The following ZNF7 variants were observed in gnomAD, a reference collection of about 807,000 sequenced individuals.
The protein encoded by ZNF7 is C2-H2 type zinc finger protein.
Under a neutral mutation model 12.0 loss-of-function variants are expected in ZNF7, and 10 were observed. The ratio of observed to expected loss-of-function variants is 0.83; its 90% CI spans 0.51 to 1.42. The LOEUF (loss-of-function observed/expected upper bound fraction) is 1.42, where lower values mean the gene tolerates loss of function less well. Among genes scored for constraint, ZNF7 ranks in the 40% most tolerant of loss-of-function variants. The pLI is 0.00. For synonymous variants in ZNF7, 334 were observed against 295.0 expected, an observed-to-expected ratio of 1.13 and a Z score of -1.35; for missense variants, 854 against 837.2, an observed-to-expected ratio of 1.02 and a Z score of -0.25.
Position 144,843,088 on chromosome 8 carries a change from C to G in ZNF7, c.1981C>G (p.Pro661Ala). Reference sequence around the variant, plus strand: ...CCAGAGAATTCACACCGGGGAGAAGCCTTATAAATGCAATGACTGTGGCAA... The same window carrying G: ...CCAGAGAATTCACACCGGGGAGAAGGCTTATAAATGCAATGACTGTGGCAA... ...IHQRIHTGEK[P>A]YKCNDCGKAF... Residue 661 changes from proline to alanine, a missense_variant, in exon 5 of 5, where the codon CCT becomes GCT. Physicochemically the swap from Pro to Ala is conservative, Grantham distance 27. Transcript: ENST00000532777. The G allele has an allele frequency of 3.1e-6, 5 of 1,612,960 alleles. No homozygotes were observed. The highest frequency in any genetic ancestry group is 3.3e-5 in the Admixed American group (2 of 59,744).
Position 144,841,926 on chromosome 8 carries a change from G to A in ZNF7, c.819G>A (p.Thr273=), listed in dbSNP as rs142068099. The A allele has an allele frequency of 3.5e-5, 56 of 1,613,768 alleles. No homozygotes were observed. Among genetic ancestry groups the A allele is most frequent in the South Asian group, 4.4e-5 (4 of 91,072 alleles). The part of the protein sequence containing the change: ...SQLNQHQRIH[T]GEKPFKCTEC... ...TTAATCAGCATCAGAGAATCCACAC[G>A]GGAGAGAAACCCTTTAAATGCACTG... The change falls in exon 5 of 5, where the codon ACG becomes ACA. Residue 273 remains threonine, a synonymous_variant. Coordinates refer to ENST00000532777, the MANE Select transcript of ZNF7 (RefSeq NM_003416.4).
Position 144,841,735 on chromosome 8 carries a change from G to C in ZNF7, c.628G>C (p.Asp210His). ...ECGKGIRATS[D>H]IALHWEINTQ... ...TGGCAAAGGCATCAGAGCCACTTCA[G>C]ATATCGCTCTGCATTGGGAAATTAA... The change falls in exon 5 of 5, where the codon GAT (aspartate) becomes CAT (histidine). Residue 210 changes from aspartate to histidine, a missense_variant. Coordinates refer to ENST00000532777, the MANE Select transcript of ZNF7 (RefSeq NM_003416.4). 6.2e-7 allele frequency: 1 copy of C among 1,614,168 alleles called. No individual in the cohort carries two copies. The highest frequency in any genetic ancestry group is 8.5e-7 in the Non-Finnish European group (1 of 1,180,050).
chr8:144,840,772 T>G (rs984397074), intron 4 of ZNF7, among the ~76,000 whole-genome samples: 2 of 152,024 alleles, frequency 1.3e-5, no homozygotes, highest in African/African-American at 4.8e-5. Flanking sequence ...AGGTGCAAGT[T>G]GGCAGCAGCA....
intron 2 of ZNF7, 101 bp from the exon 3 acceptor site, chr8:144,829,377 G>C (rs1828170510): frequency 6.3e-7 from 1 of 1,578,590 alleles, no homozygotes; most frequent in Admixed American, 1.7e-5. Context: ...TGAGCGTCTC[G>C]CCCAACCCCA....
intron 3 of ZNF7, among the ~76,000 whole-genome samples, chr8:144,831,418 G>T (rs1203925356): frequency 6.6e-6 from 1 of 152,198 alleles, no homozygotes; most frequent in Non-Finnish European, 1.5e-5. Context: ...GTGATGGTGT[G>T]TCACAGCTGC....
Position 144,841,673 on chromosome 8 carries a change from A to G in ZNF7, c.566A>G (p.Glu189Gly), listed in dbSNP as rs1213495877. 6.2e-7 allele frequency: 1 copy of G among 1,614,182 alleles called. No homozygotes were observed. Among genetic ancestry groups the G allele is most frequent in the East Asian group, 2.2e-5 (1 of 44,884 alleles). The change falls in exon 5 of 5, where the codon GAG becomes GGG. Residue 189 changes from glutamate (E) to glycine (G), a missense_variant. Glu to Gly is a moderately conservative substitution (Grantham distance 98). Coordinates refer to ENST00000532777, the MANE Select transcript of ZNF7 (RefSeq NM_003416.4). ...TGTCAGCCTCTTGAAAGTCAGGGAG[A>G]GAGTGCGGAAGGGATGTCCCAGAGA... ...LDCQPLESQGESAEGMSQRCE... is the reference protein window; with the variant it reads ...LDCQPLESQGGSAEGMSQRCE...
chr8:144,832,621 A>T (rs1828574062), intron 3 of ZNF7, among the ~76,000 whole-genome samples: 1 of 149,250 alleles, frequency 6.7e-6, no homozygotes, highest in Non-Finnish European at 1.5e-5. Context: ...TTGGCTTCTC[A>T]GGAGGCTGAG....
intron 4 of ZNF7, among the ~76,000 whole-genome samples, chr8:144,840,549 C>G (rs1829753527): frequency 6.6e-6 from 1 of 152,158 alleles, no homozygotes; most frequent in East Asian, 1.9e-4. Context: ...ATGGTTTGAT[C>G]ACAGACATCA....
intron 3 of ZNF7, among the ~76,000 whole-genome samples, chr8:144,833,183 C>T (rs1428447591): frequency 4.6e-5 from 6 of 129,340 alleles, no homozygotes; most frequent in Admixed American, 9.2e-5. Flanking sequence ...GGGCAATAAG[C>T]GAGACTTTGT....
chr8:144,840,948 C>T (rs903301629), intron 4 of ZNF7: 5 of 177,314 alleles, frequency 2.8e-5, no homozygotes, highest in Non-Finnish European at 6.0e-5. Context: ...CCATTCAGAA[C>T]TCAGACCCTG....
downstream of ZNF7, among the ~76,000 whole-genome samples, chr8:144,845,582 T>C (rs776649566): frequency 6.6e-6 from 1 of 152,168 alleles, no homozygotes; most frequent in Non-Finnish European, 1.5e-5. Flanking sequence ...TGGGACCTTG[T>C]CCATTTGATT....
At chr8:144,838,962 A>ACCC (rs2130652749) in intron 4 of ZNF7, 2 of 145,954 alleles carry the variant, frequency 1.4e-5, no homozygotes, top group Admixed American at 6.8e-5. Flanking sequence ...AAAAAAAAAA[A>ACCC]GCAGGGGCTG....
chr8:144,843,496 G>A lies in ZNF7; in HGVS notation c.*328G>A, dbSNP rs774737084. 6.7e-5 allele frequency: 12 copies of A among 178,754 alleles called. No homozygotes were observed. The highest frequency in any genetic ancestry group is 1.5e-4 in the South Asian group (1 of 6,676). The allele number at this position is 178,754 out of a possible 1,614,324, so 11.1% of individuals were successfully genotyped here. A position where few individuals can be genotyped will look rare whatever the true frequency, so the allele number is the denominator to read the frequency against. ...CCAGCTGCTCGGGAGGCTGAGGCAG[G>A]AGAATGGCATCAGCCCAGGAGGCGG... On this transcript the variant is annotated 3_prime_UTR_variant, in exon 5 of 5. Coordinates refer to ENST00000532777, the MANE Select transcript of ZNF7 (RefSeq NM_003416.4).
intron 1 of ZNF7, chr8:144,827,944 T>C: frequency 6.5e-6 from 1 of 152,728 alleles, no homozygotes; most frequent in Non-Finnish European, 1.5e-5. Context: ...CCCGGGGCCC[T>C]GACTCCTCCT....
downstream of ZNF7, chr8:144,846,880 TA>T (rs1162586556): frequency 6.6e-6 from 1 of 152,182 alleles, no homozygotes; most frequent in Non-Finnish European, 1.5e-5. Context: ...TTTGTATTTT[TA>T]ATAGAGACGG....
At position 144,843,530 on chromosome 8, in the gene ZNF7, G is replaced by C. The variant is rs192931908; in HGVS notation, c.*362G>C. On this transcript the variant is annotated 3_prime_UTR_variant, in exon 5 of 5. Transcript: ENST00000532777. ...ATCAGCCCAGGAGGCGGAGCTTGCA[G>C]TGAGCTGAGATCGCGCCACTGCACT... The C allele has an allele frequency of 1.9e-4, 29 of 154,254 alleles. No homozygotes were observed. Among genetic ancestry groups the C allele is most frequent in the East Asian group, 1.5e-3 (8 of 5,418 alleles). The allele number at this position is 154,254 out of a possible 1,614,324, so 9.6% of individuals were successfully genotyped here. A position where few individuals can be genotyped will look rare whatever the true frequency, so the allele number is the denominator to read the frequency against.
chr8:144,833,598 GA>G (rs1378279438), intron 3 of ZNF7: 1 of 151,842 alleles, frequency 6.6e-6, no homozygotes, highest in African/African-American at 2.4e-5. Context: ...GGCTGGTCTG[GA>G]ACTCCTGACC....
At chr8:144,846,767 C>G (rs756526635), downstream of ZNF7, 5 of 152,270 alleles carry the variant, frequency 3.3e-5, no homozygotes, top group African/African-American at 1.2e-4. Flanking sequence ...GGTGCGGTCT[C>G]GGCTCACTGC....
At chr8:144,846,095 G>A (rs772282577), downstream of ZNF7, 5 of 1,536,084 alleles carry the variant, frequency 3.3e-6, no homozygotes, top group South Asian at 5.9e-5. Context: ...GCCTCCTCCT[G>A]GGCTCTCGTC....
Sources: allele counts gnomAD v4.1 joint callset (sites outside exome capture counted in the v4.1 genomes callset), GRCh38; gene constraint gnomAD v4.1.1; transcripts MANE v1.5; gene names NCBI Gene and HGNC (gene_info 2026-07-23, HGNC 2026-07-21).